CLEC18A: variants seen among roughly 807,000 people sequenced by gnomAD.
The protein encoded by CLEC18A is C-type lectin domain family 18 member A, also known as mannose receptor-like 1.
A neutral mutation model predicts 24.0 loss-of-function variants in CLEC18A; 5 were observed. The observed-to-expected ratio is 0.21, with a 90% confidence interval of 0.11 to 0.44. The LOEUF is 0.44. Ranked by LOEUF, CLEC18A falls within the 20% of genes least tolerant of loss-of-function variation. The pLI is 0.99. For missense variants in CLEC18A, 83 were observed against 233.4 expected (o/e 0.36, Z 4.20); for synonymous variants, 29 against 100.1 (o/e 0.29, Z 4.24).
At position 69,952,283 on chromosome 16, in the gene CLEC18A, G is replaced by T. The variant is rs543622274; in HGVS notation, c.216+157G>T. On this transcript the variant is annotated intron_variant, in intron 2 of 11. Transcript: ENST00000288040. ...CTTGTCCCTGAGGGACGGAGGCCCT[G>T]GTTGCTGGGGGTCTCTGCAATTTCT... 1.3e-4 allele frequency: 48 copies of T among 356,342 alleles called. 2 individuals are homozygous for T. The Middle Eastern group carries it at 2.6e-3, about 19-fold the overall frequency. 22.1% of individuals were successfully genotyped at this position (356,342 alleles called of 1,614,324 possible). A position where few individuals can be genotyped will look rare whatever the true frequency, so the allele number is the denominator to read the frequency against.
rs1157612165 is a variant in CLEC18A at position 69,962,924 on chromosome 16, C to T, written c.1212-52C>T. 9.4e-6 allele frequency: 13 copies of T among 1,387,772 alleles called. 3 individuals carry two copies. Among genetic ancestry groups the T allele is most frequent in the African/African-American group, 6.8e-5 (5 of 73,160 alleles). 86.0% of individuals were successfully genotyped at this position (1,387,772 alleles called of 1,614,324 possible). ...TGATGGGTGGAGGGCTTAGGCCTCT[C>T]CCGGTCCCTGACTTCACTCTTGCCT... On this transcript the variant is annotated intron_variant, in intron 10 of 11. Coordinates refer to ENST00000288040, the MANE Select transcript of CLEC18A (RefSeq NM_001370523.4).
chr16:69,955,477 A>C (rs1418104654), intron 3 of CLEC18A, among the ~76,000 whole-genome samples: 1 of 151,468 alleles, frequency 6.6e-6, no homozygotes, highest in South Asian at 2.1e-4. Flanking sequence ...CAGCCTCCCA[A>C]GTAGCTGGGA....
downstream of CLEC18A, among the ~76,000 whole-genome samples, chr16:69,964,781 G>GC (rs1325390074): frequency 6.6e-6 from 1 of 151,460 alleles, no homozygotes. Flanking sequence ...GGGATGACAG[G>GC]CGTGAGCCAC....
intron 2 of CLEC18A, chr16:69,953,829 A>AAAAG (rs2058991570): frequency 5.6e-6 from 1 of 178,990 alleles, no homozygotes. Context: ...AAAAAAAAAA[A>AAAAG]AAAGAAGAGG....
upstream of CLEC18A, among the ~76,000 whole-genome samples, chr16:69,950,281 A>AG (rs2058931233): frequency 1.6e-5 from 2 of 126,652 alleles, no homozygotes; most frequent in Non-Finnish European, 3.8e-5. Context: ...CTCAGGGGCC[A>AG]GGGGTCACAC....
chr16:69,948,064 G>A (rs3104831), upstream of CLEC18A, among the ~76,000 whole-genome samples: 5 of 19,588 alleles, frequency 2.6e-4, no homozygotes, highest in African/African-American at 1.1e-3. Flanking sequence ...TACCCAGGCT[G>A]GTGTGTAGTG....
At chr16:69,964,330 C>A (rs1959280071), downstream of CLEC18A, 6 of 150,560 alleles carry the variant, frequency 4.0e-5, 1 homozygote, top group African/African-American at 1.5e-4. Flanking sequence ...AGTCCCGCTC[C>A]CTCACCCAGC....
chr16:69,966,197 C>T (rs1959388473), downstream of CLEC18A, among the ~76,000 whole-genome samples: 3 of 148,634 alleles, frequency 2.0e-5, no homozygotes, highest in African/African-American at 7.6e-5. Flanking sequence ...GTCCATGGTG[C>T]CCTACATCTA....
chr16:69,965,029 C>T (rs375172500), downstream of CLEC18A, among the ~76,000 whole-genome samples: 659 of 151,828 alleles, frequency 4.3e-3, 15 homozygotes, highest in East Asian at 0.067. Flanking sequence ...CTCGAACTCC[C>T]GTGCTCAAGC....
chr16:69,944,577 T>C, the CLEC18A span, among the ~76,000 whole-genome samples: 27 of 151,730 alleles, frequency 1.8e-4, no homozygotes, highest in African/African-American at 5.8e-4. Context: ...CGGTGGCTCA[T>C]GATTGTAATC....
chr16:69,944,479 T>G, the CLEC18A span, among the ~76,000 whole-genome samples: 12 of 150,122 alleles, frequency 8.0e-5, no homozygotes, highest in East Asian at 2.4e-3. Flanking sequence ...CAGTGCACTA[T>G]GATTGCACCT....
chr16:69,944,760 C>T, the CLEC18A span, among the ~76,000 whole-genome samples: 6 of 119,720 alleles, frequency 5.0e-5, no homozygotes, highest in Non-Finnish European at 8.4e-5. Context: ...GGTGTAAACC[C>T]GGGAGGCGGA....
chr16:69,944,589 C>T, the CLEC18A span, among the ~76,000 whole-genome samples: 1 of 151,848 alleles, frequency 6.6e-6, no homozygotes, highest in Admixed American at 6.6e-5. Context: ...ATTGTAATCC[C>T]AGCACTTTGG....
At chr16:69,964,667 T>G (rs1410699162), downstream of CLEC18A, among the ~76,000 whole-genome samples, 6 of 148,938 alleles carry the variant, frequency 4.0e-5, no homozygotes, top group African/African-American at 1.5e-4. Flanking sequence ...GCCCGGCTAA[T>G]TTGTTTTTTG....
At position 69,954,443 on chromosome 16, in the gene CLEC18A, A is replaced by C; in HGVS notation, c.326A>C (p.Asn109Thr). 1 of 1,607,790 alleles carries C rather than the reference A, an allele frequency of 6.2e-7. No individual in the cohort carries two copies. Among genetic ancestry groups the C allele is most frequent in the Non-Finnish European group, 8.5e-7 (1 of 1,176,442 alleles). ...TGGCGCACCCTGCAAGTGGGCTGGA[A>C]CATGCAGCTGCTACCCGCGGGCTTG... is the stretch of plus-strand genomic sequence containing the variant. ...GLWRTLQVGW[N>T]MQLLPAGLVS... The change falls in exon 3 of 12, where the codon AAC (asparagine) becomes ACC (threonine). Residue 109 changes from asparagine (N) to threonine (T), a missense_variant. Physicochemically the swap from Asn to Thr is moderately conservative, Grantham distance 65. Around this residue, in one of 3 missense-constraint regions of CLEC18A, gnomAD observed 71 missense variants for 107.4 expected, o/e 0.66. Coordinates refer to ENST00000288040, the MANE Select transcript of CLEC18A (RefSeq NM_001370523.4).
chr16:69,946,479 C>T (rs1363894033), upstream of CLEC18A, among the ~76,000 whole-genome samples: 1 of 140,414 alleles, frequency 7.1e-6, no homozygotes, highest in African/African-American at 2.6e-5. Context: ...CTCACTGTAA[C>T]CTCCGCCTCC....
chr16:69,955,567 G>A (rs1176953166), intron 3 of CLEC18A, among the ~76,000 whole-genome samples: 4 of 150,706 alleles, frequency 2.7e-5, no homozygotes, highest in African/African-American at 9.8e-5. Context: ...GCCAGGCTGG[G>A]TCTCAAACTC....
chr16:69,950,317 G>T (rs2058931455), upstream of CLEC18A, among the ~76,000 whole-genome samples: 1 of 127,872 alleles, frequency 7.8e-6, no homozygotes, highest in African/African-American at 2.5e-5. Flanking sequence ...GACGTAGTTG[G>T]TTTGCAAGGC....
rs554967028 is a variant in CLEC18A, at chr16:69,954,386, G to A, written c.269G>A (p.Gly90Glu). 2.1e-5 allele frequency: 33 copies of A among 1,609,532 alleles called. No individual in the cohort carries two copies. The East Asian group carries it at 6.9e-4, about 34-fold the overall frequency. Reference sequence around the variant, plus strand: ...GCTCAAGCCAGGGCAGCCCTCTGTGGAACCCCAACCCCGAGCCTGGCGTCC... The same window carrying A: ...GCTCAAGCCAGGGCAGCCCTCTGTGAAACCCCAACCCCGAGCCTGGCGTCC... ...QLAQARAALCGTPTPSLASGL... is the reference protein window; with the variant it reads ...QLAQARAALCETPTPSLASGL... Residue 90 changes from glycine to glutamate, a missense_variant, in exon 3 of 12, where the codon GGA becomes GAA. Gly to Glu is a moderately conservative substitution (Grantham distance 98, BLOSUM62 -2). Coordinates refer to ENST00000288040, the MANE Select transcript of CLEC18A (RefSeq NM_001370523.4).
Sources: allele counts gnomAD v4.1 joint callset (sites outside exome capture counted in the v4.1 genomes callset), GRCh38; gene constraint gnomAD v4.1.1; regional missense constraint gnomAD v4.1.1; transcripts MANE v1.5; gene names NCBI Gene and HGNC (gene_info 2026-07-23, HGNC 2026-07-21).